Variants in ATAD2B observed in about 807,000 individuals in gnomAD.
ATAD2B encodes ATPase family AAA domain-containing protein 2B.
ATAD2B carries 40 observed loss-of-function variants against 167.6 expected under a neutral mutation model. The ratio of observed to expected loss-of-function variants is 0.24; its 90% CI spans 0.19 to 0.31. The LOEUF (loss-of-function observed/expected upper bound fraction) is 0.31, where lower values mean the gene tolerates loss of function less well. ATAD2B is among the 10% of genes least tolerant of loss of function. ATAD2B has a pLI of 1.00. For missense variants in ATAD2B, 1,242 were observed against 1,757.2 expected (o/e 0.71, Z 5.24); for synonymous variants, 579 against 596.5 (o/e 0.97, Z 0.43).
At chr2:23,906,272 C>G (rs944245933) in intron 1 of ATAD2B, among the ~76,000 whole-genome samples, 1 of 151,564 alleles carries the variant, frequency 6.6e-6, no homozygotes, top group Non-Finnish European at 1.5e-5. Context: ...ACCTGGAAGG[C>G]GGAGGCTGCA....
chr2:23,861,149 CT>C (rs34830213), intron 12 of ATAD2B, among the ~76,000 whole-genome samples: 275 of 136,228 alleles, frequency 2.0e-3, no homozygotes, highest in Admixed American at 2.2e-3. Context: ...TGTTTTTTTC[CT>C]TTTTTTTTTT....
chr2:23,696,147 G>A, the ATAD2B span: 3 of 1,548,534 alleles, frequency 1.9e-6, no homozygotes, highest in Non-Finnish European at 2.6e-6. The surrounding 1 kb of genome is among the most constrained non-coding windows in gnomAD (Gnocchi z 5.5). Context: ...AGGCCCCCCG[G>A]GGTTGGGGCG....
chr2:23,745,332 A>G (rs1674776856), downstream of ATAD2B, among the ~76,000 whole-genome samples: 1 of 141,638 alleles, frequency 7.1e-6, no homozygotes, highest in South Asian at 2.4e-4. Context: ...CGAGAAAGAG[A>G]GAAAGAGACA....
At chr2:23,841,418 A>T (rs901502221) in intron 13 of ATAD2B, among the ~76,000 whole-genome samples, 1 of 152,210 alleles carries the variant, frequency 6.6e-6, no homozygotes, top group African/African-American at 2.4e-5. Flanking sequence ...CATTTCATAT[A>T]AACAGAATCA....
chr2:23,803,511 G>A (rs1039880065), intron 18 of ATAD2B, among the ~76,000 whole-genome samples: 1 of 152,178 alleles, frequency 6.6e-6, no homozygotes. Flanking sequence ...CACAATCTAT[G>A]GGTGTGGAGC....
chr2:23,873,533 G>T (rs1311873508), intron 8 of ATAD2B, among the ~76,000 whole-genome samples: 1 of 152,132 alleles, frequency 6.6e-6, no homozygotes, highest in African/African-American at 2.4e-5. Flanking sequence ...CTTAACGTAA[G>T]AGTTACCTCC....
Position 23,926,544 on chromosome 2 carries a change from C to T in ATAD2B, c.216+11G>A. 6.5e-7 allele frequency: 1 copy of T among 1,541,856 alleles called. No homozygotes were observed. ...TTCCGAGCCTCCGGACTCGGGACGC[C>T]GCGCTCTTACCCTGGCCTCATCCAG... On this transcript the variant is annotated intron_variant, in intron 1 of 27. Transcript: ENST00000238789.
chr2:23,813,503 G>A (rs1050251107), intron 17 of ATAD2B, among the ~76,000 whole-genome samples: 6 of 151,438 alleles, frequency 4.0e-5, no homozygotes, highest in Admixed American at 2.6e-4. Flanking sequence ...GGGAGACTGC[G>A]GTGGGGGGAT....
At chr2:23,696,403 C>G in the ATAD2B span, 1 of 1,551,446 alleles carries the variant, frequency 6.4e-7, no homozygotes, top group African/African-American at 1.4e-5. The surrounding 1 kb of genome is among the most constrained non-coding windows in gnomAD (Gnocchi z 5.5). Flanking sequence ...ACTGGAACCT[C>G]GTCTCCAGAA....
intron 8 of ATAD2B, chr2:23,872,728 A>T: frequency 1.8e-6 from 2 of 1,084,110 alleles, no homozygotes; most frequent in Non-Finnish European, 2.8e-6. Flanking sequence ...GATCAGTCAG[A>T]CCCCCATAGT....
chr2:23,860,971 C>CAAAT (rs757471194), intron 12 of ATAD2B, among the ~76,000 whole-genome samples: 18 of 151,776 alleles, frequency 1.2e-4, no homozygotes, highest in African/African-American at 2.9e-4. Flanking sequence ...AACTCCATAT[C>CAAAT]AAATAAATAA....
intron 22 of ATAD2B, among the ~76,000 whole-genome samples, chr2:23,781,006 C>T (rs940485007): frequency 6.6e-6 from 1 of 151,868 alleles, no homozygotes; most frequent in Non-Finnish European, 1.5e-5. Context: ...TTAGTATTAC[C>T]TATCAAATAA....
At chr2:23,776,354 A>G (rs2149363429) in intron 22 of ATAD2B, among the ~76,000 whole-genome samples, 1 of 152,292 alleles carries the variant, frequency 6.6e-6, no homozygotes, top group Non-Finnish European at 1.5e-5. Context: ...AGCCACTGCA[A>G]TTAAATCTTA....
At chr2:23,905,885 C>G (rs775782182) in intron 1 of ATAD2B, among the ~76,000 whole-genome samples, 6 of 152,170 alleles carry the variant, frequency 3.9e-5, no homozygotes, top group Non-Finnish European at 8.8e-5. Context: ...TAAAATTTAA[C>G]TCCTTAAATT....
intron 8 of ATAD2B, among the ~76,000 whole-genome samples, chr2:23,870,208 G>GAA (rs11301038): frequency 1.6e-5 from 2 of 123,924 alleles, no homozygotes; most frequent in African/African-American, 3.1e-5. Flanking sequence ...CTCCTTCTCG[G>GAA]AAAAAAAAAA....
the ATAD2B span, chr2:23,696,493 C>G: frequency 6.5e-7 from 1 of 1,534,970 alleles, no homozygotes; most frequent in Admixed American, 2.0e-5. The surrounding 1 kb of genome is among the most constrained non-coding windows in gnomAD (Gnocchi z 5.5). Flanking sequence ...GCGTGGCAGG[C>G]AACGTGGACC....
chr2:23,866,653 A>G (rs1695181822), intron 10 of ATAD2B, among the ~76,000 whole-genome samples: 1 of 152,206 alleles, frequency 6.6e-6, no homozygotes, highest in Non-Finnish European at 1.5e-5. Context: ...GATTCTGCTC[A>G]TATGCAATAC....
At chr2:23,804,838 A>C (rs1168828367) in intron 18 of ATAD2B, among the ~76,000 whole-genome samples, 6 of 152,102 alleles carry the variant, frequency 3.9e-5, no homozygotes, top group Non-Finnish European at 8.8e-5. Context: ...AACCTTTCTC[A>C]CTTTGAAAAT....
chr2:23,898,915 G>A (rs1018840453), intron 1 of ATAD2B, among the ~76,000 whole-genome samples: 4 of 152,142 alleles, frequency 2.6e-5, no homozygotes, highest in Non-Finnish European at 4.4e-5. Flanking sequence ...TTGCAAGGCC[G>A]AGGCGGGTGG....
Sources: gnomAD v4.1 joint callset for allele counts (sites outside exome capture counted in the v4.1 genomes callset) on GRCh38, gnomAD v4.1.1 for gene constraint, Gnocchi (gnomAD v3.1) non-coding constraint, MANE v1.5 for transcripts, NCBI Gene and HGNC (gene_info 2026-07-23, HGNC 2026-07-21) for gene names.